RYR2: variants seen among roughly 807,000 people sequenced by gnomAD.
RYR2 encodes ryanodine receptor 2.
RYR2 carries 227 observed loss-of-function variants against 601.1 expected under a neutral mutation model. The observed-to-expected ratio is 0.38, with a 90% confidence interval of 0.34 to 0.42. RYR2 has a LOEUF of 0.42. Ranked by LOEUF, RYR2 falls within the 10% of genes least tolerant of loss-of-function variation. The pLI is 1.00. For missense variants in RYR2, 4,646 were observed against 6,156.5 expected, an observed-to-expected ratio of 0.75 and a Z score of 8.21; for synonymous variants, 2,223 against 2,175.1, an observed-to-expected ratio of 1.02 and a Z score of -0.61.
chr1:237,583,911 A>G (rs1003428133), intron 29 of RYR2, among the ~76,000 whole-genome samples: 3 of 152,172 alleles, frequency 2.0e-5, no homozygotes, highest in Non-Finnish European at 4.4e-5. Context: ...TGCTGAAGCC[A>G]TCTGTCTTTT....
At chr1:237,143,587 C>T (rs192882415) in intron 1 of RYR2, among the ~76,000 whole-genome samples, 168 of 152,264 alleles carry the variant, frequency 1.1e-3, no homozygotes, top group Non-Finnish European at 2.0e-3. Flanking sequence ...GTGTAGAGTT[C>T]CACTGGAGTC....
chr1:237,544,295 T>A (rs2779376), intron 25 of RYR2, among the ~76,000 whole-genome samples: 148,986 of 152,246 alleles, frequency 0.98, 72,986 homozygotes, highest in Middle Eastern at 1. Flanking sequence ...TAAAAGCTAC[T>A]TATACCTGTT....
At chr1:237,624,718 A>G (rs937325001) in intron 39 of RYR2, among the ~76,000 whole-genome samples, 1 of 152,196 alleles carries the variant, frequency 6.6e-6, no homozygotes, top group African/African-American at 2.4e-5. Context: ...AACTTTAAAA[A>G]TGGAATTGAT....
intron 12 of RYR2, among the ~76,000 whole-genome samples, chr1:237,431,064 C>A (rs1706757665): frequency 6.6e-6 from 1 of 152,188 alleles, no homozygotes; most frequent in Non-Finnish European, 1.5e-5. Flanking sequence ...TTCATGGAAC[C>A]ACTCGAGTGT....
At chr1:237,487,315 C>CT (rs1239677228) in intron 17 of RYR2, among the ~76,000 whole-genome samples, 1 of 151,960 alleles carries the variant, frequency 6.6e-6, no homozygotes, top group South Asian at 2.1e-4. Context: ...ATACCTATTC[C>CT]TTTTTTTATT....
At chr1:237,155,361 A>G (rs1661339110) in intron 1 of RYR2, among the ~76,000 whole-genome samples, 1 of 151,884 alleles carries the variant, frequency 6.6e-6, no homozygotes, top group South Asian at 2.1e-4. Flanking sequence ...ATTTTTTAGT[A>G]GAGATGGGGT....
chr1:237,385,456 T>C (rs1033382360), intron 8 of RYR2, among the ~76,000 whole-genome samples: 2 of 152,192 alleles, frequency 1.3e-5, no homozygotes, highest in Non-Finnish European at 2.9e-5. Context: ...ATTTTGTGTA[T>C]GTATTTTACT....
chr1:237,256,315 T>C (rs1034565093), intron 1 of RYR2, among the ~76,000 whole-genome samples: 15 of 152,212 alleles, frequency 9.9e-5, no homozygotes, highest in Admixed American at 2.6e-4. Context: ...TTTTTCTTTA[T>C]AAATTACTCA....
intron 2 of RYR2, among the ~76,000 whole-genome samples, chr1:237,294,231 A>G (rs2149431208): frequency 6.6e-6 from 1 of 152,244 alleles, no homozygotes; most frequent in African/African-American, 2.4e-5. Context: ...ATTTCTTATT[A>G]TATCACAGTA....
At chr1:237,537,434 C>T (rs1357453922) in intron 25 of RYR2, among the ~76,000 whole-genome samples, 5 of 152,162 alleles carry the variant, frequency 3.3e-5, no homozygotes, top group African/African-American at 1.2e-4. Flanking sequence ...AGCAATTCTC[C>T]TGCCTCAGCC....
Position 237,506,819 on chromosome 1 carries a change from G to A in RYR2, c.2718+5G>A. ...CTTGGCTGGCAGTATGGTCCGGTAT[G>A]TAATTTTGAAATTTATTTTCAGATT... On this transcript the variant is annotated splice_donor_5th_base_variant and intron_variant, in intron 23 of 104. Transcript: ENST00000366574. The A allele has an allele frequency of 4.4e-6, 7 of 1,608,506 alleles. No homozygotes were observed. The highest frequency in any genetic ancestry group is 6.0e-6 in the Non-Finnish European group (7 of 1,175,212).
At chr1:237,195,704 C>T (rs573367859) in intron 1 of RYR2, among the ~76,000 whole-genome samples, 1 of 152,310 alleles carries the variant, frequency 6.6e-6, no homozygotes, top group Admixed American at 6.5e-5. Context: ...AGGCTCTAGT[C>T]TGGTCATTGT....
chr1:237,247,410 T>C (rs1369238035), intron 1 of RYR2, among the ~76,000 whole-genome samples: 3 of 152,188 alleles, frequency 2.0e-5, no homozygotes, highest in African/African-American at 7.2e-5. Flanking sequence ...AAGATTCCTG[T>C]CAGGGCTAAT....
intron 83 of RYR2, 61 bp from the exon 84 acceptor site, chr1:237,760,894 C>A: frequency 9.2e-7 from 1 of 1,087,634 alleles, no homozygotes; most frequent in South Asian, 1.4e-5. Context: ...TGTTTGCTCT[C>A]CTGAGCAAAG....
At chr1:237,751,053 G>A (rs1692494818) in intron 80 of RYR2, among the ~76,000 whole-genome samples, 2 of 152,290 alleles carry the variant, frequency 1.3e-5, no homozygotes, top group South Asian at 2.1e-4. Context: ...GAGCTGCTGT[G>A]ATCCAATCTA....
At chr1:237,344,813 T>G (rs181296173) in intron 3 of RYR2, among the ~76,000 whole-genome samples, 2 of 152,202 alleles carry the variant, frequency 1.3e-5, no homozygotes, top group Admixed American at 1.3e-4. Context: ...TTTTATTTAT[T>G]TATTTATTTT....
At chr1:237,085,166 A>G (rs1666167314) in intron 1 of RYR2, among the ~76,000 whole-genome samples, 1 of 152,230 alleles carries the variant, frequency 6.6e-6, no homozygotes, top group Admixed American at 6.5e-5. Context: ...AGTAGAGTGC[A>G]TCCAATTAAT....
At chr1:237,677,058 G>T (rs1685463229) in intron 60 of RYR2, among the ~76,000 whole-genome samples, 1 of 151,956 alleles carries the variant, frequency 6.6e-6, no homozygotes, top group South Asian at 2.1e-4. Context: ...TTGTTCATGG[G>T]GAGAGCATTC....
chr1:237,390,728 T>C (rs1702307284), intron 10 of RYR2, among the ~76,000 whole-genome samples: 1 of 152,124 alleles, frequency 6.6e-6, no homozygotes, highest in African/African-American at 2.4e-5. Flanking sequence ...ATTTTAATCA[T>C]GTTCTGGACC....
Sources: gnomAD v4.1 joint callset for allele counts (sites outside exome capture counted in the v4.1 genomes callset) on GRCh38, gnomAD v4.1.1 for gene constraint, MANE v1.5 for transcripts, NCBI Gene and HGNC (gene_info 2026-07-23, HGNC 2026-07-21) for gene names.